The following GPR89B variants were observed in gnomAD, a reference collection of about 807,000 sequenced individuals.
GPR89B encodes golgi pH regulator B, also known as G protein-coupled receptor 89B.
A neutral mutation model predicts 52.4 loss-of-function variants in GPR89B; 25 were observed. The ratio of observed to expected loss-of-function variants is 0.48; its 90% CI spans 0.35 to 0.67. GPR89B has a LOEUF of 0.67. Among genes scored for constraint, GPR89B ranks in the 30% least tolerant of loss-of-function variants. The pLI, the probability that GPR89B is intolerant of heterozygous loss-of-function variation, is 0.01. For synonymous variants in GPR89B, 52 were observed against 151.2 expected (o/e 0.34, Z 4.81); for missense variants, 146 against 450.2 (o/e 0.32, Z 6.11).
At chr1:148,001,768 A>G in the GPR89B span, among the ~76,000 whole-genome samples, 4 of 151,050 alleles carry the variant, frequency 2.6e-5, no homozygotes, top group East Asian at 7.8e-4. Flanking sequence ...TAATCCTGTT[A>G]CTAAAAGCAT....
At chr1:147,949,687 CCTT>C (rs1655394148) in intron 5 of GPR89B, among the ~76,000 whole-genome samples, 1 of 137,532 alleles carries the variant, frequency 7.3e-6, no homozygotes, top group South Asian at 2.3e-4. Context: ...CCCCCCACCT[CCTT>C]CGCGGACGGG....
At chr1:147,962,917 G>A (rs1656713540) in intron 7 of GPR89B, among the ~76,000 whole-genome samples, 1 of 141,746 alleles carries the variant, frequency 7.1e-6, no homozygotes, top group East Asian at 2.1e-4. Context: ...AATTAAAACA[G>A]ATAATAGACT....
intron 10 of GPR89B, among the ~76,000 whole-genome samples, chr1:147,983,904 A>G (rs1228779065): frequency 2.0e-5 from 3 of 152,132 alleles, no homozygotes; most frequent in Non-Finnish European, 4.4e-5. Flanking sequence ...ACTATTCACA[A>G]TAGCAAAGAC....
rs587730432 is a variant in GPR89B, at chr1:147,936,473, C to T, written c.43-154C>T. Among the ~76,000 whole-genome samples, 8 of 152,330 alleles carry T rather than the reference C, an allele frequency of 5.3e-5. No homozygotes were observed. In the South Asian group the frequency reaches 1.4e-3, roughly 28 times the overall value. The stretch of plus-strand genomic sequence containing the variant: ...AAAAATTTATTTCCAATGTCATGAG[C>T]TTTAATAAGTAGGTCTTATAAGAGT... On this transcript the variant is annotated intron_variant, in intron 1 of 13. Transcript: ENST00000314163.
chr1:147,937,477 T>A (rs1654185206), intron 2 of GPR89B, among the ~76,000 whole-genome samples: 1 of 152,154 alleles, frequency 6.6e-6, no homozygotes, highest in Admixed American at 6.5e-5. Context: ...TTCCCAATCC[T>A]AGTAAGTCTG....
intron 1 of GPR89B, among the ~76,000 whole-genome samples, chr1:147,931,583 G>C (rs2149031208): frequency 6.6e-6 from 1 of 150,432 alleles, no homozygotes; most frequent in Non-Finnish European, 1.5e-5. Flanking sequence ...TGTAGTTTAA[G>C]TCTTTTTTTT....
the GPR89B span, chr1:148,011,317 C>G: frequency 6.6e-6 from 1 of 152,234 alleles, no homozygotes; most frequent in African/African-American, 2.4e-5. Flanking sequence ...ATTTCCTCTG[C>G]TCAAAGCCTG....
At chr1:148,006,457 A>G in the GPR89B span, among the ~76,000 whole-genome samples, 1 of 152,060 alleles carries the variant, frequency 6.6e-6, no homozygotes, top group South Asian at 2.1e-4. Context: ...CAATTCTTCA[A>G]AGATATTAAT....
intron 5 of GPR89B, among the ~76,000 whole-genome samples, chr1:147,950,347 A>T (rs1278925653): frequency 4.0e-5 from 6 of 150,508 alleles, no homozygotes; most frequent in Non-Finnish European, 7.4e-5. Flanking sequence ...GCGGCCGGGC[A>T]GAGACGCTCC....
chr1:147,956,655 A>T (rs2796991), intron 7 of GPR89B, among the ~76,000 whole-genome samples: 21 of 152,056 alleles, frequency 1.4e-4, no homozygotes, highest in South Asian at 1.3e-3. Flanking sequence ...GAAATTGAAG[A>T]CGACACAAAT....
intron 12 of GPR89B, among the ~76,000 whole-genome samples, chr1:147,989,962 C>T (rs1301831674): frequency 1.3e-5 from 2 of 152,136 alleles, no homozygotes; most frequent in Non-Finnish European, 2.9e-5. Context: ...GATTTATAAT[C>T]CTTTGGGTAT....
At chr1:147,962,423 CAAAA>C (rs1176963367) in intron 7 of GPR89B, among the ~76,000 whole-genome samples, 4 of 80,934 alleles carry the variant, frequency 4.9e-5, no homozygotes, top group Non-Finnish European at 7.6e-5. Flanking sequence ...AACTCTGTCT[CAAAA>C]AAAAAAAAAA....
At chr1:147,943,412 G>A in intron 3 of GPR89B, 26 bp from the exon 4 acceptor site, 2 of 1,600,474 alleles carry the variant, frequency 1.2e-6, no homozygotes, top group Non-Finnish European at 1.7e-6. Context: ...CTTCCTCCCA[G>A]TGACAGTCTT....
chr1:148,008,362 G>A, the GPR89B span, among the ~76,000 whole-genome samples: 7 of 151,982 alleles, frequency 4.6e-5, no homozygotes, highest in Non-Finnish European at 8.8e-5. Flanking sequence ...CTTCTAAGAC[G>A]TGCCAAGCTT....
At chr1:147,931,490 T>C (rs1442488882) in intron 1 of GPR89B, among the ~76,000 whole-genome samples, 1 of 152,174 alleles carries the variant, frequency 6.6e-6, no homozygotes, top group Admixed American at 6.5e-5. Flanking sequence ...TGCTTCTGCT[T>C]TCTTTTTGGA....
intron 3 of GPR89B, among the ~76,000 whole-genome samples, chr1:147,940,102 A>G (rs1453172602): frequency 6.6e-6 from 1 of 151,746 alleles, no homozygotes; most frequent in African/African-American, 2.4e-5. Flanking sequence ...CTGCTTTTAA[A>G]CTTTAATAAT....
chr1:147,983,819 A>T (rs1308821876), intron 10 of GPR89B, among the ~76,000 whole-genome samples: 11 of 152,110 alleles, frequency 7.2e-5, no homozygotes, highest in African/African-American at 2.7e-4. Context: ...CAGCCATCCC[A>T]TTACTGGGTA....
the GPR89B span, among the ~76,000 whole-genome samples, chr1:148,015,609 C>T: frequency 6.8e-6 from 1 of 147,504 alleles, no homozygotes; most frequent in African/African-American, 2.5e-5. Flanking sequence ...CCACCGCGCC[C>T]GGCCTTCTCT....
chr1:147,961,867 G>T (rs1430449646), intron 7 of GPR89B, among the ~76,000 whole-genome samples: 8 of 151,814 alleles, frequency 5.3e-5, no homozygotes, highest in Admixed American at 3.9e-4. Flanking sequence ...GAATAGTAAT[G>T]ATGTTAATTC....
Sources: gnomAD v4.1 joint callset for allele counts (sites outside exome capture counted in the v4.1 genomes callset) on GRCh38, gnomAD v4.1.1 for gene constraint, MANE v1.5 for transcripts, NCBI Gene and HGNC (gene_info 2026-07-23, HGNC 2026-07-21) for gene names.